The following CNBD1 variants were observed in gnomAD, a reference collection of about 807,000 sequenced individuals.
CNBD1 encodes the protein cyclic nucleotide binding domain containing 1.
A neutral mutation model predicts 54.4 loss-of-function variants in CNBD1; 71 were observed. The observed-to-expected ratio is 1.30, with a 90% CI of 1.08 to 1.59. CNBD1 has a LOEUF of 1.59. Among genes scored for constraint, CNBD1 ranks in the 40% most tolerant of loss-of-function variants. The probability of loss-of-function intolerance (pLI) is 0.00; values close to 1 mark genes in which losing one functional copy is unlikely to be tolerated. For missense variants in CNBD1, 659 were observed against 518.0 expected (o/e 1.27, Z -2.64); for synonymous variants, 182 against 170.7 (o/e 1.07, Z -0.51).
chr8:86,965,973 C>T (rs1296924037), intron 4 of CNBD1, among the ~76,000 whole-genome samples: 2 of 152,112 alleles, frequency 1.3e-5, no homozygotes, highest in African/African-American at 2.4e-5. Context: ...GCTGGTCCTC[C>T]TGTCCTGTCT....
chr8:87,273,962 T>A (rs1168643061), intron 6 of CNBD1, among the ~76,000 whole-genome samples: 2 of 132,522 alleles, frequency 1.5e-5, no homozygotes, highest in African/African-American at 2.9e-5. Flanking sequence ...GATGTTCCCC[T>A]TCCTGTGTCC....
chr8:87,220,988 A>G (rs1257892009), intron 5 of CNBD1, among the ~76,000 whole-genome samples: 4 of 152,034 alleles, frequency 2.6e-5, no homozygotes, highest in African/African-American at 4.8e-5. Context: ...CCCTCTCCCC[A>G]TATTTGAGAG....
chr8:86,987,922 G>A (rs1437789657), intron 4 of CNBD1, among the ~76,000 whole-genome samples: 2 of 152,034 alleles, frequency 1.3e-5, no homozygotes, highest in Non-Finnish European at 2.9e-5. Context: ...CAGAACTTTT[G>A]TGTCTATGTT....
At chr8:86,972,210 A>C (rs1808240310) in intron 4 of CNBD1, among the ~76,000 whole-genome samples, 1 of 152,192 alleles carries the variant, frequency 6.6e-6, no homozygotes, top group Admixed American at 6.5e-5. Flanking sequence ...TCGGCCTCCC[A>C]AAGTGCTGGG....
chr8:86,947,899 C>T (rs1015374695), intron 4 of CNBD1, among the ~76,000 whole-genome samples: 4 of 152,046 alleles, frequency 2.6e-5, no homozygotes, highest in African/African-American at 7.2e-5. Flanking sequence ...CTACCTCCTC[C>T]CAACCACCCT....
chr8:87,344,166 C>A (rs879743859), intron 8 of CNBD1, among the ~76,000 whole-genome samples: 2 of 151,726 alleles, frequency 1.3e-5, no homozygotes, highest in Non-Finnish European at 2.9e-5. Context: ...TTATTTAACC[C>A]AACATAATGT....
intron 4 of CNBD1, among the ~76,000 whole-genome samples, chr8:87,172,294 G>A (rs1034867308): frequency 6.6e-6 from 1 of 151,984 alleles, no homozygotes; most frequent in Non-Finnish European, 1.5e-5. Flanking sequence ...CCTACATATG[G>A]TCACATGTCA....
chr8:87,260,917 C>T (rs1808127638), intron 6 of CNBD1, among the ~76,000 whole-genome samples: 1 of 152,014 alleles, frequency 6.6e-6, no homozygotes, highest in Non-Finnish European at 1.5e-5. Context: ...TGGCTTTACT[C>T]TCAGGTTCTC....
chr8:87,232,085 C>A (rs1807454690), intron 5 of CNBD1, among the ~76,000 whole-genome samples: 2 of 152,124 alleles, frequency 1.3e-5, no homozygotes, highest in South Asian at 4.1e-4. Context: ...TGAGATTTAT[C>A]CATGTTGTAT....
chr8:86,959,671 A>T (rs1391901611), intron 4 of CNBD1, among the ~76,000 whole-genome samples: 1 of 152,206 alleles, frequency 6.6e-6, no homozygotes, highest in African/African-American at 2.4e-5. Flanking sequence ...TGCATCACAT[A>T]GTTCTTGTGC....
intron 3 of CNBD1, among the ~76,000 whole-genome samples, chr8:86,913,026 G>C (rs1809128676): frequency 6.6e-6 from 1 of 152,182 alleles, no homozygotes; most frequent in Non-Finnish European, 1.5e-5. Context: ...TTTTTGTACA[G>C]CTGTACAATG....
intron 10 of CNBD1, among the ~76,000 whole-genome samples, chr8:87,379,533 CTT>C (rs1327490791): frequency 6.6e-6 from 1 of 151,850 alleles, no homozygotes; most frequent in African/African-American, 2.4e-5. Flanking sequence ...CAAACTATCT[CTT>C]GTTTGTTAAA....
chr8:86,905,165 TC>T lies in CNBD1; in HGVS notation c.245del (p.Pro82LeufsTer30). 6.2e-7 allele frequency: 1 copy of T among 1,609,800 alleles called. No individual in the cohort carries two copies. On this transcript the variant is annotated frameshift_variant, in exon 3 of 11. Transcript: ENST00000518476. LOFTEE classifies it high-confidence loss of function. ...TATTCCTGCACCAAAAACCCAGACT[TC>T]CTAAACTTTTCAAACAGGAGGAACA... is the stretch of plus-strand genomic sequence containing the variant. ...KVFLHQKPRL[P>X]KLFKQEEQRE...
intron 4 of CNBD1, among the ~76,000 whole-genome samples, chr8:87,046,675 G>A (rs1034109168): frequency 2.0e-5 from 3 of 152,152 alleles, no homozygotes; most frequent in African/African-American, 7.2e-5. Flanking sequence ...TCTAATGGGA[G>A]CATCTTTGAT....
Position 87,200,061 on chromosome 8 carries a change from T to TA in CNBD1, c.432-5924dup, listed in dbSNP as rs531305624. 8.5e-3 allele frequency among the ~76,000 whole-genome samples: 1,296 copies of TA among 151,696 alleles called. 29 individuals carry two copies. Among genetic ancestry groups the TA allele is most frequent in the African/African-American group, 0.024 (1,013 of 41,368 alleles). On this transcript the variant is annotated intron_variant, in intron 4 of 10. Transcript: ENST00000518476. ...TATCCCAATAAAATGGTTTTTAAAA[T>TA]AAAAAAAATAAAAACAATACAAAAT...
chr8:87,374,316 A>T (rs116695867), intron 10 of CNBD1, among the ~76,000 whole-genome samples: 2,867 of 151,906 alleles, frequency 0.019, 91 homozygotes, highest in African/African-American at 0.062. Flanking sequence ...ATTTTCACTC[A>T]ATTTTTAGGA....
Position 87,120,374 on chromosome 8 carries a change from A to G in CNBD1, c.432-85619A>G, listed in dbSNP as rs116990026. Among the ~76,000 whole-genome samples the G allele has an allele frequency of 1.2e-4, 18 of 152,182 alleles. No homozygotes were observed. In the East Asian group the frequency reaches 3.3e-3, roughly 28 times the overall value. ...TTGTCAGTGTATAGTTGTTCATGAC[A>G]GTCTCTGATGATCTTTTGTATTTCT... On this transcript the variant is annotated intron_variant, in intron 4 of 10. Coordinates refer to ENST00000518476, the MANE Select transcript of CNBD1 (RefSeq NM_173538.3).
chr8:87,003,934 TC>T (rs1433564608), intron 4 of CNBD1, among the ~76,000 whole-genome samples: 1 of 151,998 alleles, frequency 6.6e-6, no homozygotes, highest in Non-Finnish European at 1.5e-5. Context: ...CCTTTGAAAA[TC>T]CAGTCCTCAC....
intron 4 of CNBD1, among the ~76,000 whole-genome samples, chr8:87,027,081 C>CT (rs36054485): frequency 8.0e-5 from 12 of 150,780 alleles, no homozygotes; most frequent in Non-Finnish European, 1.2e-4. Flanking sequence ...CTTATGAGTG[C>CT]TTTTTTTTTA....
Sources: allele counts gnomAD v4.1 joint callset (sites outside exome capture counted in the v4.1 genomes callset), GRCh38; gene constraint gnomAD v4.1.1; transcripts MANE v1.5; gene names NCBI Gene and HGNC (gene_info 2026-07-23, HGNC 2026-07-21).